The following SLFN5 variants were observed in gnomAD, a reference collection of about 807,000 sequenced individuals.
The protein encoded by SLFN5 is schlafen family member 5.
SLFN5 carries 34 observed loss-of-function variants against 48.5 expected under a neutral mutation model. That is an observed-to-expected ratio of 0.70 (90% CI 0.53 to 0.93). The LOEUF is 0.93. Among genes scored for constraint, SLFN5 ranks in the 40% least tolerant of loss-of-function variants. The pLI is 0.00. For missense variants in SLFN5, 1,006 were observed against 1,071.3 expected, an observed-to-expected ratio of 0.94 and a Z score of 0.85; for synonymous variants, 387 against 396.2, an observed-to-expected ratio of 0.98 and a Z score of 0.28.
In SLFN5 at chr17:35,273,253, T is replaced by G. The variant is rs2142713876; in HGVS notation, c.*7365T>G. ...ATCAATATAAGTCTGTGCTTGTAAA[T>G]GCAGTAAGTATCTTTGGAAGTATAC... On this transcript the variant is annotated 3_prime_UTR_variant, in exon 5 of 5. Transcript: ENST00000299977. 6.6e-6 allele frequency: 1 copy of G among 152,346 alleles called. No individual in the cohort carries two copies. The highest frequency in any genetic ancestry group is 2.1e-4 in the South Asian group (1 of 4,826). 9.4% of individuals were successfully genotyped at this position (152,346 alleles called of 1,614,324 possible).
chr17:35,249,814 T>C (rs2092438381), intron 1 of SLFN5, among the ~76,000 whole-genome samples: 1 of 152,224 alleles, frequency 6.6e-6, no homozygotes, highest in Admixed American at 6.5e-5. Context: ...CTCTATTATA[T>C]TTGATGCATA....
Position 35,258,743 on chromosome 17 carries a change from C to T in SLFN5, c.53C>T (p.Ala18Val), listed in dbSNP as rs1269930981. Residue 18 changes from alanine to valine, a missense_variant, in exon 2 of 5, where the codon GCA (alanine) becomes GTA (valine). Ala to Val is a moderately conservative substitution (Grantham distance 64, BLOSUM62 0). Coordinates refer to ENST00000299977, the MANE Select transcript of SLFN5 (RefSeq NM_144975.4). ...AACTTTCCTGAGTGTGTTGTAGATGCAGGAAAAGTCACCCTTGGGACTCAG... is the reference window on the plus strand; with the variant it reads ...AACTTTCCTGAGTGTGTTGTAGATGTAGGAAAAGTCACCCTTGGGACTCAG... ...DTNFPECVVD[A>V]GKVTLGTQQR... 1 of 1,613,900 alleles carries T rather than the reference C, an allele frequency of 6.2e-7. No homozygotes were observed. Among genetic ancestry groups the T allele is most frequent in the African/African-American group, 1.3e-5 (1 of 74,856 alleles).
At chr17:35,254,432 T>C (rs1169226411) in intron 1 of SLFN5, among the ~76,000 whole-genome samples, 1 of 152,140 alleles carries the variant, frequency 6.6e-6, no homozygotes, top group African/African-American at 2.4e-5. Flanking sequence ...TTGTTGAATC[T>C]CTTGTTTCCT....
chr17:35,265,667 C>T lies in SLFN5; in HGVS notation c.2455C>T (p.Leu819Phe). Reference sequence around the variant, plus strand: ...AATGAGGAAGAGAAAACTGTCTCAGCTCCATGAGGAGTCTGATCTGTTACT... The same window carrying T: ...AATGAGGAAGAGAAAACTGTCTCAGTTCCATGAGGAGTCTGATCTGTTACT... ...TAMRKRKLSQ[L>F]HEESDLLLQI... Residue 819 changes from leucine to phenylalanine, a missense_variant, in exon 5 of 5, where the codon CTC (leucine) becomes TTC (phenylalanine). Transcript: ENST00000299977. The T allele has an allele frequency of 6.2e-7, 1 of 1,614,190 alleles. No individual in the cohort carries two copies. The highest frequency in any genetic ancestry group is 8.5e-7 in the Non-Finnish European group (1 of 1,179,998).
In SLFN5 at chr17:35,265,009, G is replaced by T. The variant is rs562167285; in HGVS notation, c.1860-63G>T. 2.6e-6 allele frequency: 4 copies of T among 1,557,026 alleles called. No individual in the cohort carries two copies. The Admixed American group carries it at 5.8e-5, about 22-fold the overall frequency. On this transcript the variant is annotated intron_variant, in intron 4 of 4. Coordinates refer to ENST00000299977, the MANE Select transcript of SLFN5 (RefSeq NM_144975.4). ...TATTGTATTTACCATGACCAGAGGGGTTTAAGAGTAGAATCTGCTTTCTTT... is the reference window on the plus strand; with the variant it reads ...TATTGTATTTACCATGACCAGAGGGTTTTAAGAGTAGAATCTGCTTTCTTT...
rs1443810063 is a variant in SLFN5 at position 35,266,881 on chromosome 17, C to T, written c.*993C>T. The T allele has an allele frequency of 2.0e-5, 3 of 152,194 alleles. No homozygotes were observed. The highest frequency in any genetic ancestry group is 2.9e-5 in the Non-Finnish European group (2 of 68,030). 9.4% of individuals were successfully genotyped at this position (152,194 alleles called of 1,614,324 possible). On this transcript the variant is annotated 3_prime_UTR_variant, in exon 5 of 5. Coordinates refer to ENST00000299977, the MANE Select transcript of SLFN5 (RefSeq NM_144975.4). ...CTCATTTCCTGTGGGTCTCTAGAAA[C>T]TCTCTCAATATTTAAAGCCAAACAA... is the stretch of plus-strand genomic sequence containing the variant.
chr17:35,249,891 C>T (rs996269438), intron 1 of SLFN5, among the ~76,000 whole-genome samples: 6 of 152,118 alleles, frequency 3.9e-5, no homozygotes, highest in African/African-American at 9.7e-5. Flanking sequence ...TCACATAGGA[C>T]GAATAATTGG....
At chr17:35,249,083 A>T (rs890957438) in intron 1 of SLFN5, among the ~76,000 whole-genome samples, 5 of 152,242 alleles carry the variant, frequency 3.3e-5, no homozygotes, top group African/African-American at 1.2e-4. Context: ...AGGATAGACT[A>T]GGAAATACCT....
At chr17:35,263,572 C>T (rs1904581897) in intron 3 of SLFN5, among the ~76,000 whole-genome samples, 1 of 151,950 alleles carries the variant, frequency 6.6e-6, no homozygotes, top group Non-Finnish European at 1.5e-5. Flanking sequence ...CCTGTGATCC[C>T]AGCACTTTGG....
In SLFN5 at chr17:35,246,855, G is replaced by GAA. The variant is rs35223656; in HGVS notation, c.-41+3726_-41+3727dup. Among the ~76,000 whole-genome samples the GAA allele has an allele frequency of 6.4e-4, 85 of 133,842 alleles. 1 individual carries two copies. The highest frequency in any genetic ancestry group is 1.1e-3 in the East Asian group (5 of 4,710). The allele number at this position is 133,842 out of a possible 152,430, so 87.8% of individuals were successfully genotyped here. On this transcript the variant is annotated intron_variant, in intron 1 of 4. Coordinates refer to ENST00000299977, the MANE Select transcript of SLFN5 (RefSeq NM_144975.4). ...GGCAGCAGAGGGAGACTCCATCTCA[G>GAA]AAAAAAAAAAAAAAATTATTTTGTT...
rs747219375 is a variant in SLFN5, at chr17:35,261,035, G to A, written c.1077G>A (p.Lys359=). 57 of 1,613,970 alleles carry A rather than the reference G, an allele frequency of 3.5e-5. No homozygotes were observed. The highest frequency in any genetic ancestry group is 3.3e-4 in the Middle Eastern group (2 of 6,084). Residue 359 remains lysine, a synonymous_variant, in exon 3 of 5, where the codon AAG becomes AAA. Transcript: ENST00000299977. ...TGTCATCTGCCACGCCCCGCAGCAAGCCTGTGTGCATTCATAAGAATTCGG... is the reference window on the plus strand; with the variant it reads ...TGTCATCTGCCACGCCCCGCAGCAAACCTGTGTGCATTCATAAGAATTCGG... ...LSLSSATPRS[K]PVCIHKNSEC...
intron 1 of SLFN5, among the ~76,000 whole-genome samples, chr17:35,254,788 G>A (rs1207363504): frequency 2.0e-5 from 3 of 152,166 alleles, no homozygotes; most frequent in Admixed American, 6.5e-5. Context: ...AGGCTGAAGC[G>A]GGTGGATCAC....
chr17:35,255,474 C>T (rs529828913), intron 1 of SLFN5, among the ~76,000 whole-genome samples: 43 of 152,322 alleles, frequency 2.8e-4, no homozygotes, highest in African/African-American at 9.4e-4. Context: ...CATGTGCATA[C>T]GCATGGGTGT....
At chr17:35,246,340 G>A (rs1018430764) in intron 1 of SLFN5, among the ~76,000 whole-genome samples, 1 of 151,956 alleles carries the variant, frequency 6.6e-6, no homozygotes, top group Non-Finnish European at 1.5e-5. Flanking sequence ...TGCCTGACGT[G>A]CAGGTTTGTT....
chr17:35,272,308 G>A lies in SLFN5; in HGVS notation c.*6420G>A, dbSNP rs1252498590. 1 of 151,938 alleles carries A rather than the reference G, an allele frequency of 6.6e-6. No individual in the cohort carries two copies. The highest frequency in any genetic ancestry group is 1.9e-4 in the East Asian group (1 of 5,198). The allele number at this position is 151,938 out of a possible 1,614,324, so 9.4% of individuals were successfully genotyped here. On this transcript the variant is annotated 3_prime_UTR_variant, in exon 5 of 5. Coordinates refer to ENST00000299977, the MANE Select transcript of SLFN5 (RefSeq NM_144975.4). ...AAATTCAAGTTAATTGGGGAAAGAT[G>A]GATTATTCAATATATGATGAACAAC...
Position 35,264,632 on chromosome 17 carries a change from T to C in SLFN5, c.1588T>C (p.Leu530=). ...GACCCCCCAGCACATGGAAGCCCTG[T>C]TACAGTCCCTCGTGATAGTCTTGCT... ...FMTPQHMEAL[L]QSLVIVLLGF... is the part of the protein sequence containing the mutation. Residue 530 remains leucine, a synonymous_variant, in exon 4 of 5, where the codon TTA becomes CTA. Transcript: ENST00000299977. 1.9e-6 allele frequency: 3 copies of C among 1,614,240 alleles called. No individual in the cohort carries two copies. The highest frequency in any genetic ancestry group is 2.5e-6 in the Non-Finnish European group (3 of 1,180,046).
intron 1 of SLFN5, among the ~76,000 whole-genome samples, chr17:35,249,295 T>C (rs2092437338): frequency 1.3e-5 from 2 of 152,318 alleles, no homozygotes; most frequent in Admixed American, 1.3e-4. Flanking sequence ...AATAAACTTG[T>C]GGCCCACTTC....
rs1904875668 is a variant in SLFN5, at chr17:35,273,182, G to C, written c.*7294G>C. On this transcript the variant is annotated 3_prime_UTR_variant, in exon 5 of 5. Transcript: ENST00000299977. ...GGGACCATCTTTAAGATATACTGTG[G>C]TGTTGAACAAAACAACATGCTGAAA... 6.6e-6 allele frequency: 1 copy of C among 152,154 alleles called. No individual in the cohort carries two copies. Among genetic ancestry groups the C allele is most frequent in the Admixed American group, 6.5e-5 (1 of 15,270 alleles). The allele number at this position is 152,154 out of a possible 1,614,324, so 9.4% of individuals were successfully genotyped here.
Position 35,264,317 on chromosome 17 carries a change from T to C in SLFN5, c.1273T>C (p.Trp425Arg). 1.2e-6 allele frequency: 2 copies of C among 1,614,190 alleles called. No homozygotes were observed. The highest frequency in any genetic ancestry group is 1.7e-6 in the Non-Finnish European group (2 of 1,180,030). Residue 425 changes from tryptophan (W) to arginine (R), a missense_variant, in exon 4 of 5, where the codon TGG (tryptophan) becomes CGG (arginine). Trp to Arg is a moderately radical substitution (Grantham distance 101, BLOSUM62 -3). Coordinates refer to ENST00000299977, the MANE Select transcript of SLFN5 (RefSeq NM_144975.4). ...AGGAATATTGATTTTTTCTCAAAGC[T>C]GGGCTGTGGATTTAGGTCTGCAAGA... ...SQGILIFSQS[W>R]AVDLGLQEKQ...
Sources: gnomAD v4.1 joint callset for allele counts (sites outside exome capture counted in the v4.1 genomes callset) on GRCh38, gnomAD v4.1.1 for gene constraint, MANE v1.5 for transcripts, NCBI Gene and HGNC (gene_info 2026-07-23, HGNC 2026-07-21) for gene names.